Variants in FAM110B observed in about 807,000 individuals in gnomAD.
The protein encoded by FAM110B is protein FAM110B.
A neutral mutation model predicts 20.4 loss-of-function variants in FAM110B; 6 were observed. The observed-to-expected ratio is 0.29, with a 90% CI of 0.16 to 0.58. FAM110B has a LOEUF of 0.58. FAM110B is among the 20% of genes least tolerant of loss of function. The pLI is 0.90. For missense variants in FAM110B, 434 were observed against 498.2 expected, an observed-to-expected ratio of 0.87 and a Z score of 1.23; for synonymous variants, 226 against 214.1, an observed-to-expected ratio of 1.06 and a Z score of -0.49.
chr8:57,996,435 G>A (rs982457704), intron 1 of FAM110B, among the ~76,000 whole-genome samples: 2 of 152,126 alleles, frequency 1.3e-5, no homozygotes, highest in African/African-American at 4.8e-5. Flanking sequence ...TAAGTCTGTG[G>A]TTTTAATTTT....
chr8:58,020,904 G>A (rs1385846110), intron 1 of FAM110B, among the ~76,000 whole-genome samples: 2 of 139,722 alleles, frequency 1.4e-5, no homozygotes, highest in Admixed American at 6.8e-5. Flanking sequence ...TGATCTAGAC[G>A]AGGCGTCCTC....
intron 3 of FAM110B, among the ~76,000 whole-genome samples, chr8:58,117,951 A>G (rs1807257933): frequency 6.6e-6 from 1 of 152,240 alleles, no homozygotes; most frequent in African/African-American, 2.4e-5. Context: ...ATTAAAATTA[A>G]GAAGTATCTG....
chr8:58,053,701 A>G (rs1020650938), intron 2 of FAM110B, among the ~76,000 whole-genome samples: 1 of 152,138 alleles, frequency 6.6e-6, no homozygotes, highest in African/African-American at 2.4e-5. Flanking sequence ...ATTTTCCATT[A>G]TTTTATCTCA....
intron 3 of FAM110B, among the ~76,000 whole-genome samples, chr8:58,108,972 C>G (rs1233008580): frequency 6.6e-6 from 1 of 152,202 alleles, no homozygotes; most frequent in African/African-American, 2.4e-5. Flanking sequence ...CTATTCAACC[C>G]TATTTATTAC....
intron 3 of FAM110B, among the ~76,000 whole-genome samples, chr8:58,131,536 C>T (rs532055792): frequency 6.6e-6 from 1 of 152,324 alleles, no homozygotes; most frequent in South Asian, 2.1e-4. Flanking sequence ...ATATCACCGT[C>T]TCCTGTTTTA....
chr8:57,995,354 A>G (rs566478256), intron 1 of FAM110B, among the ~76,000 whole-genome samples: 50 of 152,314 alleles, frequency 3.3e-4, no homozygotes, highest in Non-Finnish European at 6.0e-4. Context: ...CTAGAAATGT[A>G]GATTCTGAGG....
intron 2 of FAM110B, among the ~76,000 whole-genome samples, chr8:58,074,080 A>T (rs1210373674): frequency 6.6e-6 from 1 of 152,072 alleles, no homozygotes; most frequent in East Asian, 1.9e-4. Flanking sequence ...TAAAATGCGC[A>T]GGCTTTACTT....
At chr8:58,071,279 C>T (rs564694654) in intron 2 of FAM110B, among the ~76,000 whole-genome samples, 2 of 152,130 alleles carry the variant, frequency 1.3e-5, no homozygotes, top group Non-Finnish European at 2.9e-5. Context: ...TCCATAGTGT[C>T]GTATTTTATA....
intron 2 of FAM110B, among the ~76,000 whole-genome samples, chr8:58,053,214 CA>C (rs1263054079): frequency 1.8e-4 from 27 of 152,128 alleles, no homozygotes; most frequent in Non-Finnish European, 3.1e-4. Flanking sequence ...TACAAGAGAC[CA>C]GTAAGACAGC....
At chr8:58,059,625 GT>G (rs542031730) in intron 2 of FAM110B, among the ~76,000 whole-genome samples, 86 of 143,808 alleles carry the variant, frequency 6.0e-4, no homozygotes, top group East Asian at 4.3e-3. Flanking sequence ...ATTTGTAGGA[GT>G]TTTTTTTTTT....
chr8:58,006,923 A>ATATATATATATATATATTT, intron 1 of FAM110B, among the ~76,000 whole-genome samples: 1 of 126,518 alleles, frequency 7.9e-6, no homozygotes, highest in African/African-American at 3.0e-5. Context: ...ATATATATAT[A>ATATATATATATATATATTT]TTTTTCCAAA....
intron 1 of FAM110B, among the ~76,000 whole-genome samples, chr8:58,010,685 T>C (rs555965980): frequency 1.4e-4 from 21 of 152,284 alleles, no homozygotes; most frequent in Non-Finnish European, 2.5e-4. Context: ...TAGAGGCACA[T>C]GTGTGTAGGG....
intron 3 of FAM110B, among the ~76,000 whole-genome samples, chr8:58,088,911 T>C (rs1020931900): frequency 1.3e-5 from 2 of 152,230 alleles, no homozygotes; most frequent in African/African-American, 4.8e-5. Flanking sequence ...ACAAGAGTTT[T>C]ATATTCTCAT....
intron 1 of FAM110B, among the ~76,000 whole-genome samples, chr8:57,998,382 GTGACTTTC>G (rs1354937458): frequency 4.6e-5 from 7 of 152,190 alleles, no homozygotes. Flanking sequence ...CCTATGCCAA[GTGACTTTC>G]TTTCCCTTAG....
chr8:58,129,920 GA>G lies in FAM110B; in HGVS notation c.-324-15986del, dbSNP rs1803411040. Among the ~76,000 whole-genome samples the G allele has an allele frequency of 4.6e-5, 7 of 151,664 alleles. No homozygotes were observed. The South Asian group carries it at 1.5e-3, about 32-fold the overall frequency. On this transcript the variant is annotated intron_variant, in intron 3 of 3. Transcript: ENST00000519262. ...TGTCACTTTCTTAATATATTGCAAT[GA>G]TTTTTTTAATGCTTAAATTCTTATT...
intron 2 of FAM110B, chr8:58,032,680 A>G (rs184953519): frequency 1.5e-3 from 225 of 152,210 alleles, no homozygotes; most frequent in African/African-American, 4.8e-3. Context: ...CACTTGGTTT[A>G]TTTGATGGTG....
intron 3 of FAM110B, among the ~76,000 whole-genome samples, chr8:58,133,007 A>G (rs1437004344): frequency 2.0e-5 from 3 of 152,206 alleles, no homozygotes; most frequent in Non-Finnish European, 2.9e-5. Flanking sequence ...TTTTAACATA[A>G]AAGCATGATG....
At chr8:58,053,401 C>G (rs1390375268) in intron 2 of FAM110B, among the ~76,000 whole-genome samples, 1 of 152,120 alleles carries the variant, frequency 6.6e-6, no homozygotes, top group Non-Finnish European at 1.5e-5. Flanking sequence ...TTCTGGCCAA[C>G]ACAGCAGGAA....
At chr8:58,018,863 C>G (rs1277613458) in intron 1 of FAM110B, among the ~76,000 whole-genome samples, 3 of 147,062 alleles carry the variant, frequency 2.0e-5, no homozygotes, top group African/African-American at 7.6e-5. Flanking sequence ...GATAGAGAAT[C>G]ACCATCTACA....
Sources: gnomAD v4.1 joint callset for allele counts (sites outside exome capture counted in the v4.1 genomes callset) on GRCh38, gnomAD v4.1.1 for gene constraint, MANE v1.5 for transcripts, NCBI Gene and HGNC (gene_info 2026-07-23, HGNC 2026-07-21) for gene names.